Variants in RNF212B observed in about 807,000 individuals in gnomAD.
The protein encoded by RNF212B is ring finger protein 212B.
RNF212B carries 52 observed loss-of-function variants against 55.5 expected under a neutral mutation model. The ratio of observed to expected loss-of-function variants is 0.94; its 90% CI spans 0.75 to 1.18. RNF212B has a LOEUF of 1.18. Ranked by LOEUF, RNF212B falls within the 50% of genes most tolerant of loss-of-function variation. The probability of loss-of-function intolerance (pLI) is 0.00; values close to 1 mark genes in which losing one functional copy is unlikely to be tolerated. For missense variants in RNF212B, 289 were observed against 350.4 expected, an observed-to-expected ratio of 0.82 and a Z score of 1.40; for synonymous variants, 99 against 121.4, an observed-to-expected ratio of 0.82 and a Z score of 1.21.
chr14:23,214,427 G>A (rs1298820383), intron 2 of RNF212B, among the ~76,000 whole-genome samples: 4 of 152,130 alleles, frequency 2.6e-5, no homozygotes, highest in Non-Finnish European at 5.9e-5. Context: ...CCAGGAGGTG[G>A]AGGTTGCGGT....
At chr14:23,267,467 C>T (rs1413024405) in intron 11 of RNF212B, among the ~76,000 whole-genome samples, 1 of 151,326 alleles carries the variant, frequency 6.6e-6, no homozygotes, top group Non-Finnish European at 1.5e-5. Context: ...GTCTCACTCT[C>T]GTCTTGGCTA....
intron 1 of RNF212B, among the ~76,000 whole-genome samples, chr14:23,187,180 A>G (rs1877680590): frequency 6.6e-6 from 1 of 152,168 alleles, no homozygotes; most frequent in Non-Finnish European, 1.5e-5. Flanking sequence ...TTAACTAGGG[A>G]AAATTATGGA....
intron 1 of RNF212B, among the ~76,000 whole-genome samples, chr14:23,239,666 T>C (rs1883412486): frequency 6.6e-6 from 1 of 152,080 alleles, no homozygotes; most frequent in Non-Finnish European, 1.5e-5. Context: ...TCGCCTAGGC[T>C]GGAGTGCAAT....
At chr14:23,203,583 A>T (rs769165587) in intron 2 of RNF212B, among the ~76,000 whole-genome samples, 4 of 151,448 alleles carry the variant, frequency 2.6e-5, no homozygotes, top group Non-Finnish European at 5.9e-5. Flanking sequence ...GGTTCAAGCA[A>T]TTCTCATGCC....
At position 23,273,022 on chromosome 14, in the gene RNF212B, C is replaced by T. The variant is rs1886227955; in HGVS notation, c.*131C>T. The T allele has an allele frequency of 5.3e-6, 3 of 566,622 alleles. No individual in the cohort carries two copies. Among genetic ancestry groups the T allele is most frequent in the African/African-American group, 2.0e-5 (1 of 50,864 alleles). The allele number at this position is 566,622 out of a possible 1,614,324, so 35.1% of individuals were successfully genotyped here. ...TAGTTTCACTCTGTACCTTATGCTCCCCCCATCTTTACCCTATTCACCCTT... is the reference window on the plus strand; with the variant it reads ...TAGTTTCACTCTGTACCTTATGCTCTCCCCATCTTTACCCTATTCACCCTT... On this transcript the variant is annotated 3_prime_UTR_variant, in exon 15 of 15. Coordinates refer to ENST00000430154, the MANE Select transcript of RNF212B (RefSeq NM_001282322.3).
chr14:23,236,588 G>C (rs1883119038), upstream of RNF212B, among the ~76,000 whole-genome samples: 1 of 151,742 alleles, frequency 6.6e-6, no homozygotes, highest in Admixed American at 6.6e-5. Flanking sequence ...ACATTTAATG[G>C]GGTTTATTAT....
intron 4 of RNF212B, chr14:23,258,338 CA>C (rs1213381274): frequency 0.042 from 6,419 of 152,330 alleles, no homozygotes; most frequent in East Asian, 0.087. Context: ...AACTCTGTCT[CA>C]AAAAAAAAAA....
chr14:23,214,569 T>A (rs1880888196), intron 2 of RNF212B, among the ~76,000 whole-genome samples: 1 of 151,618 alleles, frequency 6.6e-6, no homozygotes, highest in Non-Finnish European at 1.5e-5. Context: ...AATAGAAACC[T>A]CAGACCTGAA....
At chr14:23,216,565 AG>A (rs921550285) in intron 2 of RNF212B, among the ~76,000 whole-genome samples, 16 of 149,286 alleles carry the variant, frequency 1.1e-4, no homozygotes, top group African/African-American at 4.1e-4. Flanking sequence ...AATTATGCTA[AG>A]TAAAAAAAAA....
At chr14:23,231,222 A>G (rs961265770) in intron 2 of RNF212B, among the ~76,000 whole-genome samples, 3 of 152,222 alleles carry the variant, frequency 2.0e-5, no homozygotes, top group Admixed American at 6.5e-5. Context: ...AAACAATATT[A>G]AGTAGTGTTC....
chr14:23,194,293 TAAAAG>T (rs996246910), intron 2 of RNF212B, among the ~76,000 whole-genome samples: 8 of 152,034 alleles, frequency 5.3e-5, no homozygotes, highest in African/African-American at 1.9e-4. Context: ...ATAAAATAAT[TAAAAG>T]AACACTCAAG....
At chr14:23,240,530 G>A in intron 2 of RNF212B, 85 bp downstream of exon 2, 1 of 806,216 alleles carries the variant, frequency 1.2e-6, no homozygotes, top group Non-Finnish European at 2.0e-6. Context: ...GTGTGACTTA[G>A]GATAAAAATC....
intron 2 of RNF212B, among the ~76,000 whole-genome samples, chr14:23,196,894 T>G (rs758005807): frequency 3.3e-5 from 5 of 152,132 alleles, no homozygotes; most frequent in Non-Finnish European, 4.4e-5. Flanking sequence ...CCCTAGAGTG[T>G]GTTCTTTGTT....
intron 2 of RNF212B, among the ~76,000 whole-genome samples, chr14:23,221,043 A>T (rs1360679445): frequency 6.6e-6 from 1 of 152,018 alleles, no homozygotes; most frequent in Non-Finnish European, 1.5e-5. Flanking sequence ...TCTCCAATCA[A>T]AAGTGGCTGA....
At chr14:23,240,280 T>G in intron 1 of RNF212B, 65 bp from the exon 2 acceptor site, 2 of 1,113,018 alleles carry the variant, frequency 1.8e-6, no homozygotes, top group Non-Finnish European at 2.6e-6. Context: ...TTACATAGAT[T>G]TTGGAACAGC....
intron 2 of RNF212B, 28 bp from the exon 3 acceptor site, chr14:23,243,228 C>G (rs1271513038): frequency 6.5e-7 from 1 of 1,541,288 alleles, no homozygotes; most frequent in African/African-American, 1.4e-5. Flanking sequence ...TCATGAGAGC[C>G]AAATATTTTT....
chr14:23,197,440 T>C (rs139838752), intron 2 of RNF212B, among the ~76,000 whole-genome samples: 11,564 of 152,226 alleles, frequency 0.076, 487 homozygotes, highest in Middle Eastern at 0.099. Context: ...GGCATGAGAA[T>C]TGCTTGAACC....
intron 1 of RNF212B, among the ~76,000 whole-genome samples, 156 bp from the exon 2 acceptor site, chr14:23,240,189 A>G (rs570417689): frequency 2.0e-5 from 3 of 152,274 alleles, no homozygotes; most frequent in South Asian, 4.1e-4. Flanking sequence ...GTATATGTAC[A>G]TATACTTCTT....
At position 23,246,694 on chromosome 14, in the gene RNF212B, C is replaced by T. The variant is rs148010903; in HGVS notation, c.228+2298C>T. 2.6e-5 allele frequency among the ~76,000 whole-genome samples: 4 copies of T among 152,224 alleles called. No individual in the cohort carries two copies. In the East Asian group the frequency reaches 7.7e-4, roughly 29 times the overall value. On this transcript the variant is annotated intron_variant, in intron 4 of 14. Coordinates refer to ENST00000430154, the MANE Select transcript of RNF212B (RefSeq NM_001282322.3). Reference sequence around the variant, plus strand: ...CCTCCCACCTTGCCCTACCAAAGTGCCAGGATTACAGGTGTGAGCCACCAT... The same window carrying T: ...CCTCCCACCTTGCCCTACCAAAGTGTCAGGATTACAGGTGTGAGCCACCAT...
Sources: allele counts gnomAD v4.1 joint callset (sites outside exome capture counted in the v4.1 genomes callset), GRCh38; gene constraint gnomAD v4.1.1; transcripts MANE v1.5; gene names NCBI Gene and HGNC (gene_info 2026-07-23, HGNC 2026-07-21).